The following ITSN1 variants were observed in gnomAD, a reference collection of about 807,000 sequenced individuals.
The protein encoded by ITSN1 is intersectin 1, also known as intersectin-1.
A neutral mutation model predicts 239.8 loss-of-function variants in ITSN1; 58 were observed. That is an observed-to-expected ratio of 0.24 (90% CI 0.20 to 0.30). The LOEUF is 0.30. Ranked by LOEUF, ITSN1 falls within the 10% of genes least tolerant of loss-of-function variation. ITSN1 has a pLI of 1.00. For synonymous variants in ITSN1, 780 were observed against 770.8 expected (o/e 1.01, Z -0.20); for missense variants, 1,558 against 2,103.3 (o/e 0.74, Z 5.07).
chr21:33,756,562 T>C (rs1453276029), intron 8 of ITSN1, among the ~76,000 whole-genome samples: 2 of 152,180 alleles, frequency 1.3e-5, no homozygotes, highest in Non-Finnish European at 2.9e-5. Flanking sequence ...AAAAGGTATC[T>C]TATGTTTAAA....
intron 29 of ITSN1, chr21:33,838,464 G>T (rs898736270): frequency 5.1e-6 from 5 of 981,682 alleles, no homozygotes; most frequent in Non-Finnish European, 6.0e-6. Flanking sequence ...AATTAGTTCC[G>T]TGTATAGATA....
chr21:33,842,495 G>GGTGTGTGTGT lies in ITSN1; in HGVS notation c.3661+5889_3661+5898dup, dbSNP rs34019939. ...CATGCTGTTGTTTTATGATGTCAACGGTGTGTGTGTGTGTGTGTGTGTGTG... is the reference window on the plus strand; with the variant it reads ...CATGCTGTTGTTTTATGATGTCAACGGTGTGTGTGTGTGTGTGTGTGTGTGTGTGTGTGTG... On this transcript the variant is annotated intron_variant, in intron 29 of 39. Transcript: ENST00000381318. Among the ~76,000 whole-genome samples the GGTGTGTGTGT allele has an allele frequency of 8.8e-3, 1,305 of 148,158 alleles. 19 individuals carry two copies. Among genetic ancestry groups the GGTGTGTGTGT allele is most frequent in the African/African-American group, 0.031 (1,235 of 40,366 alleles).
chr21:33,833,644 GA>G (rs1171490948), intron 27 of ITSN1, among the ~76,000 whole-genome samples: 2 of 152,230 alleles, frequency 1.3e-5, no homozygotes, highest in Non-Finnish European at 2.9e-5. Context: ...GAGGGGTGCA[GA>G]TTACGAGGTC....
chr21:33,710,183 A>T (rs2092374380), intron 1 of ITSN1, among the ~76,000 whole-genome samples: 2 of 148,998 alleles, frequency 1.3e-5, no homozygotes, highest in South Asian at 4.2e-4. Context: ...GGTTCACGCC[A>T]TTCTCCTGCC....
intron 8 of ITSN1, among the ~76,000 whole-genome samples, chr21:33,756,310 AAGTT>A (rs1470492400): frequency 2.0e-5 from 3 of 151,362 alleles, no homozygotes; most frequent in Non-Finnish European, 4.4e-5. Context: ...AAAAAAAAGA[AAGTT>A]ATAAAGAAAA....
Position 33,865,198 on chromosome 21 carries a change from A to G in ITSN1, c.3938A>G (p.Lys1313Arg), listed in dbSNP as rs747685000. Residue 1313 changes from lysine to arginine, a missense_variant, in exon 32 of 40, where the codon AAG (lysine) becomes AGG (arginine). By Grantham distance (26) the Lys-to-Arg change is conservative. This residue lies in a region of ITSN1 where 576 missense variants were observed against 893.3 expected (regional missense o/e 0.64). Transcript: ENST00000381318. The surrounding 1 kb of genome is among the most constrained non-coding windows in gnomAD (Gnocchi z 4.4). ...ATGTCCGGGGAGAAGATGCCTGTGA[A>G]GATGATTGGAGACATCCTGAGCGCA... ...KKMSGEKMPV[K>R]MIGDILSAQL... 9.3e-6 allele frequency: 15 copies of G among 1,614,018 alleles called. No homozygotes were observed. In the South Asian group the frequency reaches 1.5e-4, roughly 17 times the overall value.
chr21:33,883,894 GTTTTTTTT>G (rs34448559), intron 36 of ITSN1, among the ~76,000 whole-genome samples: 3 of 109,778 alleles, frequency 2.7e-5, no homozygotes, highest in Non-Finnish European at 5.3e-5. Context: ...TTTTGCTTGA[GTTTTTTTT>G]TTTTTTTTTT....
At chr21:33,713,765 T>C (rs1221822102) in intron 1 of ITSN1, among the ~76,000 whole-genome samples, 1 of 151,722 alleles carries the variant, frequency 6.6e-6, no homozygotes, top group African/African-American at 2.4e-5. Flanking sequence ...AGAACCTCGC[T>C]GTGATTGGCA....
intron 34 of ITSN1, among the ~76,000 whole-genome samples, chr21:33,880,854 C>T (rs1288029999): frequency 6.6e-6 from 1 of 152,088 alleles, no homozygotes; most frequent in African/African-American, 2.4e-5. Context: ...CCTTGCTATC[C>T]TTGGCCTCTC....
At chr21:33,688,903 C>T (rs1298613010) in intron 1 of ITSN1, among the ~76,000 whole-genome samples, 3 of 151,618 alleles carry the variant, frequency 2.0e-5, no homozygotes, top group African/African-American at 7.3e-5. Context: ...GTGCACTGCA[C>T]CCTCTGCCTC....
intron 1 of ITSN1, among the ~76,000 whole-genome samples, chr21:33,660,714 T>C (rs1250246730): frequency 6.6e-6 from 1 of 152,214 alleles, no homozygotes; most frequent in African/African-American, 2.4e-5. Flanking sequence ...TGTGGTTATT[T>C]TGTGATACTG....
chr21:33,776,404 AC>A (rs1325439617), intron 14 of ITSN1, among the ~76,000 whole-genome samples: 12 of 149,674 alleles, frequency 8.0e-5, no homozygotes, highest in Non-Finnish European at 1.8e-4. Context: ...AAAAAAAAAA[AC>A]TTAAAAATTA....
chr21:33,886,300 G>A lies in ITSN1; in HGVS notation c.4857G>A (p.Pro1619=), dbSNP rs760597542. The stretch of plus-strand genomic sequence containing the variant: ...TGTTCCCTCCAGGAAAGAGCAACCC[G>A]TACTGTGAGGTGACCATGGGTTCCC... ...KPCRSHGKSN[P]YCEVTMGSQC... Residue 1619 remains proline, a synonymous_variant, in exon 39 of 40, where the codon CCG becomes CCA. Coordinates refer to ENST00000381318, the MANE Select transcript of ITSN1 (RefSeq NM_003024.3). 2.9e-5 allele frequency: 46 copies of A among 1,613,470 alleles called. No individual in the cohort carries two copies. The highest frequency in any genetic ancestry group is 2.7e-4 in the East Asian group (12 of 44,866).
intron 38 of ITSN1, 110 bp from the exon 39 acceptor site, chr21:33,886,177 A>G: frequency 1.2e-6 from 1 of 863,982 alleles, no homozygotes; most frequent in South Asian, 1.7e-5. Context: ...ATACCACTGC[A>G]CTGCAGCCTG....
intron 31 of ITSN1, among the ~76,000 whole-genome samples, chr21:33,863,953 C>T (rs1981106606): frequency 6.6e-6 from 1 of 152,220 alleles, no homozygotes; most frequent in Non-Finnish European, 1.5e-5. Context: ...TGAGGGCATC[C>T]ACTTCAGGTG....
chr21:33,765,997 T>C lies in ITSN1; in HGVS notation c.911T>C (p.Ile304Thr). 1 of 1,614,166 alleles carries C rather than the reference T, an allele frequency of 6.2e-7. No homozygotes were observed. Residue 304 changes from isoleucine to threonine, a missense_variant, in exon 10 of 40, where the codon ATT becomes ACT. Coordinates refer to ENST00000381318, the MANE Select transcript of ITSN1 (RefSeq NM_003024.3). ...CCACCTGTCCTGCCTCCAGAATACATTCCACCTTCTTTTAGGTAAGGAACA... is the reference window on the plus strand; with the variant it reads ...CCACCTGTCCTGCCTCCAGAATACACTCCACCTTCTTTTAGGTAAGGAACA... The part of the protein sequence containing the change: ...PLPPVLPPEY[I>T]PPSFRRVRSG...
Position 33,765,913 on chromosome 21 carries a change from C to G in ITSN1, c.827C>G (p.Ala276Gly). The change falls in exon 10 of 40, where the codon GCA becomes GGA. Residue 276 changes from alanine to glycine, a missense_variant. Physicochemically the swap from Ala to Gly is moderately conservative, Grantham distance 60. Around this residue, in one of 2 missense-constraint regions of ITSN1, gnomAD observed 982 missense variants for 1,209.9 expected, o/e 0.81. Coordinates refer to ENST00000381318, the MANE Select transcript of ITSN1 (RefSeq NM_003024.3). The stretch of plus-strand genomic sequence containing the variant: ...ATTGATCAAGATGGAAAACTTACAG[C>G]AGAGGAATTTATCCTGGCAATGCAC... ...SDIDQDGKLT[A>G]EEFILAMHLI... The G allele has an allele frequency of 6.2e-7, 1 of 1,614,070 alleles. No homozygotes were observed. The highest frequency in any genetic ancestry group is 1.3e-5 in the African/African-American group (1 of 75,044).
chr21:33,775,177 A>T (rs2069504166), intron 14 of ITSN1, 69 bp downstream of exon 14: 1 of 1,506,426 alleles, frequency 6.6e-7, no homozygotes, highest in Non-Finnish European at 9.1e-7. Context: ...CATTTCATTT[A>T]CTTACTTATT....
Position 33,877,059 on chromosome 21 carries a change from C to CTTTTTTTTTTTTTTTTTTTTTTTTT in ITSN1, c.4341+1550_4341+1551insTTTTTTTTTTTTTTTTTTTTTTTTT, listed in dbSNP as rs10529259. Among the ~76,000 whole-genome samples the CTTTTTTTTTTTTTTTTTTTTTTTTT allele has an allele frequency of 5.7e-4, 61 of 106,390 alleles. 17 individuals carry two copies. The highest frequency in any genetic ancestry group is 7.7e-4 in the African/African-American group (20 of 25,866). The allele number at this position is 106,390 out of a possible 152,430, so 69.8% of individuals were successfully genotyped here. ...TCCTTAGAACTTTACCTGTGGGCAC[C>CTTTTTTTTTTTTTTTTTTTTTTTTT]TTTTTTTTTTTTGAAATGGAGTCTC... On this transcript the variant is annotated intron_variant, in intron 34 of 39. Transcript: ENST00000381318.
Sources: gnomAD v4.1 joint callset for allele counts (sites outside exome capture counted in the v4.1 genomes callset) on GRCh38, gnomAD v4.1.1 for gene constraint, gnomAD v4.1.1 regional missense constraint, Gnocchi (gnomAD v3.1) non-coding constraint, MANE v1.5 for transcripts, NCBI Gene and HGNC (gene_info 2026-07-23, HGNC 2026-07-21) for gene names.